The following LMLN variants were observed in gnomAD, a reference collection of about 807,000 sequenced individuals.
LMLN encodes leishmanolysin like peptidase.
In LMLN, 70 loss-of-function variants were observed where a neutral mutation model predicts 92.3. The observed-to-expected ratio is 0.76, with a 90% CI of 0.63 to 0.92. LMLN has a LOEUF of 0.92. LMLN is among the 40% of genes least tolerant of loss of function. LMLN has a pLI of 0.00. For synonymous variants in LMLN, 308 were observed against 296.2 expected (o/e 1.04, Z -0.41); for missense variants, 691 against 814.6 (o/e 0.85, Z 1.85).
chr3:197,976,432 G>A, intron 4 of LMLN, 166 bp from the exon 5 acceptor site: 1 of 534,444 alleles, frequency 1.9e-6, no homozygotes, highest in Non-Finnish European at 3.4e-6. Context: ...CCCAAATCAA[G>A]AGGATTTCCT....
At chr3:197,977,399 TCAAA>T (rs1421089156) in intron 5 of LMLN, among the ~76,000 whole-genome samples, 2 of 151,800 alleles carry the variant, frequency 1.3e-5, no homozygotes, top group Non-Finnish European at 2.9e-5. Context: ...TATAAAATCA[TCAAA>T]CAATCTGGAA....
intron 1 of LMLN, among the ~76,000 whole-genome samples, chr3:197,965,313 C>T (rs1721026216): frequency 6.6e-6 from 1 of 152,152 alleles, no homozygotes; most frequent in African/African-American, 2.4e-5. Flanking sequence ...GCCACTGCAC[C>T]TGGCTGAGAT....
intron 1 of LMLN, among the ~76,000 whole-genome samples, chr3:197,964,009 G>GT (rs1472695863): frequency 6.6e-6 from 1 of 152,074 alleles, no homozygotes; most frequent in Non-Finnish European, 1.5e-5. Flanking sequence ...AATGCTTTTT[G>GT]TTTTTTCTGG....
At chr3:197,996,261 T>A in exon 10 of LMLN, 2 of 1,598,196 alleles carry the variant, frequency 1.3e-6, no homozygotes, top group Non-Finnish European at 1.7e-6. Context: ...AGCTCAACCA[T>A]TGGGAAAAAA....
At chr3:197,960,707 C>CA (rs758723528) in intron 1 of LMLN, among the ~76,000 whole-genome samples, 17 of 152,158 alleles carry the variant, frequency 1.1e-4, no homozygotes, top group Non-Finnish European at 2.4e-4. Flanking sequence ...GCGTGCATCA[C>CA]AGTCACCCGA....
chr3:198,017,866 G>A lies in LMLN; in HGVS notation c.1233-1387G>A, dbSNP rs540412669. On this transcript the variant is annotated intron_variant, in intron 11 of 15. Transcript: ENST00000330198. ...CGGGAGGTGGAGCTTGCAGTGAGCCGAGATCGCACTACTGCACTCCAGCCT... is the reference window on the plus strand; with the variant it reads ...CGGGAGGTGGAGCTTGCAGTGAGCCAAGATCGCACTACTGCACTCCAGCCT... Among the ~76,000 whole-genome samples, 243 of 152,148 alleles carry A rather than the reference G, an allele frequency of 1.6e-3. 1 individual carries two copies. Among genetic ancestry groups the A allele is most frequent in the African/African-American group, 5.2e-3 (215 of 41,500 alleles).
intron 1 of LMLN, among the ~76,000 whole-genome samples, chr3:197,973,403 G>T (rs185363468): frequency 6.6e-6 from 1 of 151,898 alleles, no homozygotes; most frequent in Non-Finnish European, 1.5e-5. Flanking sequence ...CACCATGCCC[G>T]GCTAATTTTT....
In LMLN at chr3:198,003,129, A is replaced by G. The variant is rs1053379626; in HGVS notation, c.1232+3787A>G. ...GGATTGATCAGCAGAGACAAAAGTA[A>G]GAATGCATTTCCTCACAGTGTCACT... is the stretch of plus-strand genomic sequence containing the variant. On this transcript the variant is annotated intron_variant, in intron 11 of 15. Transcript: ENST00000330198. 1 of 1,486,572 alleles carries G rather than the reference A, an allele frequency of 6.7e-7. No homozygotes were observed. The highest frequency in any genetic ancestry group is 1.4e-5 in the African/African-American group (1 of 71,702). The allele number at this position is 1,486,572 out of a possible 1,614,324, so 92.1% of individuals were successfully genotyped here. A position where few individuals can be genotyped will look rare whatever the true frequency, so the allele number is the denominator to read the frequency against.
chr3:197,999,368 T>C (rs376118263), intron 11 of LMLN, 26 bp downstream of exon 11: 3 of 1,489,722 alleles, frequency 2.0e-6, no homozygotes, highest in Admixed American at 1.7e-5. Context: ...CAAGAGGATA[T>C]GAATTGCTTA....
chr3:198,024,185 G>A (rs1045046969), intron 13 of LMLN, among the ~76,000 whole-genome samples: 1 of 150,380 alleles, frequency 6.6e-6, no homozygotes. Flanking sequence ...TAAGAACCTA[G>A]TGTGAGTTTG....
At chr3:198,023,530 ACT>A (rs1307242548) in intron 13 of LMLN, among the ~76,000 whole-genome samples, 1 of 152,030 alleles carries the variant, frequency 6.6e-6, no homozygotes, top group Non-Finnish European at 1.5e-5. Context: ...GTTTTGAAAG[ACT>A]CTGATACTCA....
At position 198,006,480 on chromosome 3, in the gene LMLN, G is replaced by A. The variant is rs569641521; in HGVS notation, c.1232+7138G>A. On this transcript the variant is annotated intron_variant, in intron 11 of 15. Coordinates refer to ENST00000330198, the Ensembl canonical transcript of LMLN. ...ATTAAGTAATTACAGGTTTAGTTTTGTAAGAAAATGCCAAACTTTTTAATT... is the reference window on the plus strand; with the variant it reads ...ATTAAGTAATTACAGGTTTAGTTTTATAAGAAAATGCCAAACTTTTTAATT... Among the ~76,000 whole-genome samples the A allele has an allele frequency of 1.1e-4, 17 of 152,210 alleles. No individual in the cohort carries two copies. The South Asian group carries it at 3.5e-3, about 32-fold the overall frequency.
chr3:198,011,930 G>A lies in LMLN; in HGVS notation c.1233-7323G>A, dbSNP rs556728272. On this transcript the variant is annotated intron_variant, in intron 11 of 15. Coordinates refer to ENST00000330198, the Ensembl canonical transcript of LMLN. ...CAGAAAAAGAAACTACCATCAGAGTGAACAGGCAACCTACAGAATGGGAGA... is the reference window on the plus strand; with the variant it reads ...CAGAAAAAGAAACTACCATCAGAGTAAACAGGCAACCTACAGAATGGGAGA... Among the ~76,000 whole-genome samples, 199 of 152,276 alleles carry A rather than the reference G, an allele frequency of 1.3e-3. 1 individual carries two copies. The highest frequency in any genetic ancestry group is 2.4e-3 in the Non-Finnish European group (161 of 68,028).
chr3:198,017,865 C>T (rs1722681914), intron 11 of LMLN, among the ~76,000 whole-genome samples: 1 of 152,030 alleles, frequency 6.6e-6, no homozygotes, highest in Non-Finnish European at 1.5e-5. Flanking sequence ...TGCAGTGAGC[C>T]GAGATCGCAC....
chr3:198,020,300 G>A (rs1722743890), intron 12 of LMLN, among the ~76,000 whole-genome samples: 2 of 152,172 alleles, frequency 1.3e-5, no homozygotes, highest in African/African-American at 2.4e-5. Context: ...GCCTGGCCAT[G>A]ACCTTTAAGT....
At chr3:198,014,329 CT>C (rs1466664762) in intron 11 of LMLN, among the ~76,000 whole-genome samples, 2 of 111,530 alleles carry the variant, frequency 1.8e-5, no homozygotes. Flanking sequence ...TCAGAGCCCC[CT>C]AACTAGTCTG....
At chr3:198,011,280 C>G (rs1211117160) in intron 11 of LMLN, among the ~76,000 whole-genome samples, 1 of 150,022 alleles carries the variant, frequency 6.7e-6, no homozygotes, top group Non-Finnish European at 1.5e-5. Context: ...TCACTCCCCC[C>G]ACCCCACAAC....
At chr3:197,983,979 G>C in exon 7 of LMLN, 1 of 1,613,706 alleles carries the variant, frequency 6.2e-7, no homozygotes, top group Non-Finnish European at 8.5e-7. Flanking sequence ...GTCCAAATAT[G>C]ATCTCTACCC....
chr3:197,966,881 A>G (rs1051831386), intron 1 of LMLN, among the ~76,000 whole-genome samples: 2 of 152,078 alleles, frequency 1.3e-5, no homozygotes, highest in Admixed American at 6.6e-5. Context: ...ACAGCCTTAA[A>G]TGACTTGGCT....
Sources: gnomAD v4.1 joint callset for allele counts (sites outside exome capture counted in the v4.1 genomes callset) on GRCh38, gnomAD v4.1.1 for gene constraint, MANE v1.5 for transcripts, NCBI Gene and HGNC (gene_info 2026-07-23, HGNC 2026-07-21) for gene names.